RANBP17: variants seen among roughly 807,000 people sequenced by gnomAD.
RANBP17 encodes ran-binding protein 17.
A neutral mutation model predicts 141.2 loss-of-function variants in RANBP17; 158 were observed. That is an observed-to-expected ratio of 1.12 (90% confidence interval 0.98 to 1.28). RANBP17 has a LOEUF of 1.28. Among genes scored for constraint, RANBP17 ranks in the 50% most tolerant of loss-of-function variants. RANBP17 has a pLI of 0.00. For synonymous variants in RANBP17, 430 were observed against 450.0 expected, an observed-to-expected ratio of 0.96 and a Z score of 0.56; for missense variants, 1,438 against 1,290.7, an observed-to-expected ratio of 1.11 and a Z score of -1.75.
At chr5:171,219,229 T>C (rs938161350) in intron 21 of RANBP17, among the ~76,000 whole-genome samples, 4 of 152,336 alleles carry the variant, frequency 2.6e-5, no homozygotes, top group African/African-American at 9.6e-5. Flanking sequence ...CCCACTCTCT[T>C]CTGGCGTATA....
intron 14 of RANBP17, among the ~76,000 whole-genome samples, chr5:171,075,763 G>T (rs1784877769): frequency 6.6e-6 from 1 of 152,078 alleles, no homozygotes; most frequent in African/African-American, 2.4e-5. Context: ...GACCAGACTG[G>T]CCACGATGGC....
intron 14 of RANBP17, among the ~76,000 whole-genome samples, chr5:171,159,544 G>A (rs2127851976): frequency 1.3e-5 from 2 of 152,196 alleles, no homozygotes; most frequent in East Asian, 3.9e-4. Context: ...AATGCCCCTT[G>A]GGAGCCCATC....
chr5:171,070,606 A>G (rs1784576790), intron 14 of RANBP17, among the ~76,000 whole-genome samples: 1 of 152,138 alleles, frequency 6.6e-6, no homozygotes, highest in Non-Finnish European at 1.5e-5. Context: ...AATTGTTTGA[A>G]GATTCAAAAG....
chr5:171,029,356 G>A (rs969539249), intron 14 of RANBP17, among the ~76,000 whole-genome samples: 4 of 152,060 alleles, frequency 2.6e-5, no homozygotes, highest in Non-Finnish European at 5.9e-5. Context: ...TATTTTATGC[G>A]TAAGAGTTTA....
intron 14 of RANBP17, chr5:170,968,851 A>G (rs937733338): frequency 2.9e-5 from 10 of 343,468 alleles, no homozygotes; most frequent in South Asian, 1.9e-4. Flanking sequence ...AGGAATACTC[A>G]TAGTATGATA....
Position 171,243,761 on chromosome 5 carries a change from G to A in RANBP17, c.2776+941G>A, listed in dbSNP as rs530975502. 2.0e-5 allele frequency among the ~76,000 whole-genome samples: 3 copies of A among 152,246 alleles called. No individual in the cohort carries two copies. The South Asian group carries it at 6.2e-4, about 32-fold the overall frequency. ...CAAGTTGACTAATCTTTTCTTCTGT[G>A]ATACCTAATATTCTATTAATACTGT... is the stretch of plus-strand genomic sequence containing the variant. On this transcript the variant is annotated intron_variant, in intron 24 of 27. Transcript: ENST00000523189.
intron 14 of RANBP17, among the ~76,000 whole-genome samples, chr5:171,047,858 C>T (rs1454911457): frequency 6.6e-6 from 1 of 151,926 alleles, no homozygotes; most frequent in Non-Finnish European, 1.5e-5. Context: ...CTGAAGTATC[C>T]ATTAAATAGC....
At chr5:171,250,306 A>T (rs1187530176) in intron 24 of RANBP17, among the ~76,000 whole-genome samples, 1 of 152,222 alleles carries the variant, frequency 6.6e-6, no homozygotes, top group Non-Finnish European at 1.5e-5. Flanking sequence ...CATCATGAAA[A>T]CACACAAGAG....
In RANBP17 at chr5:171,178,020, G is replaced by GT. The variant is rs200845643; in HGVS notation, c.1866-5134dup. Reference sequence around the variant, plus strand: ...TATACCTATTTGGATTTTTTATGTGGTTTTTTTTTTTTTGTTATACTTTAA... The same window carrying GT: ...TATACCTATTTGGATTTTTTATGTGGTTTTTTTTTTTTTTGTTATACTTTAA... On this transcript the variant is annotated intron_variant, in intron 16 of 27. Coordinates refer to ENST00000523189, the MANE Select transcript of RANBP17 (RefSeq NM_022897.5). Among the ~76,000 whole-genome samples, 1,214 of 141,508 alleles carry GT rather than the reference G, an allele frequency of 8.6e-3. 4 individuals are homozygous for GT. The highest frequency in any genetic ancestry group is 0.018 in the African/African-American group (693 of 39,200). The allele number at this position is 141,508 out of a possible 152,430, so 92.8% of individuals were successfully genotyped here.
chr5:170,943,398 G>C (rs188814795), intron 12 of RANBP17, among the ~76,000 whole-genome samples: 1 of 152,058 alleles, frequency 6.6e-6, no homozygotes, highest in Non-Finnish European at 1.5e-5. Flanking sequence ...ACAATAATCC[G>C]TAAGAAATAG....
chr5:171,122,733 A>G (rs1315744927), intron 14 of RANBP17, among the ~76,000 whole-genome samples: 1 of 152,214 alleles, frequency 6.6e-6, no homozygotes, highest in East Asian at 1.9e-4. Context: ...TAGTCCACGC[A>G]GTGGCATTGT....
At chr5:171,246,820 T>C (rs72829403) in intron 24 of RANBP17, among the ~76,000 whole-genome samples, 32,164 of 152,092 alleles carry the variant, frequency 0.21, 3,452 homozygotes, top group East Asian at 0.28. Flanking sequence ...TGGGCACATG[T>C]GGTGTGCCTG....
chr5:170,927,496 A>T (rs1282618786), intron 12 of RANBP17, among the ~76,000 whole-genome samples: 1 of 152,096 alleles, frequency 6.6e-6, no homozygotes, highest in Admixed American at 6.6e-5. Flanking sequence ...TTAAATTTAC[A>T]TAAGAGCCAT....
At chr5:171,245,094 A>C (rs923562602) in intron 24 of RANBP17, among the ~76,000 whole-genome samples, 3 of 151,762 alleles carry the variant, frequency 2.0e-5, no homozygotes, top group Non-Finnish European at 4.4e-5. Context: ...ATGCCACTGC[A>C]CTCCAGCCTG....
At chr5:171,019,901 A>G (rs570685256) in intron 14 of RANBP17, among the ~76,000 whole-genome samples, 1 of 152,234 alleles carries the variant, frequency 6.6e-6, no homozygotes, top group African/African-American at 2.4e-5. Context: ...GCTTTCTGAT[A>G]TGGGCATTTA....
chr5:170,968,467 A>G (rs1561941829), intron 14 of RANBP17, 90 bp downstream of exon 14: 1 of 1,157,638 alleles, frequency 8.6e-7, no homozygotes, highest in Non-Finnish European at 1.3e-6. Context: ...GGAAATTTCT[A>G]CATAAGACGT....
chr5:171,013,748 G>A (rs1780232320), intron 14 of RANBP17, among the ~76,000 whole-genome samples: 1 of 151,918 alleles, frequency 6.6e-6, no homozygotes, highest in Non-Finnish European at 1.5e-5. Flanking sequence ...TTTTAGTTTT[G>A]TGCCTCTCCA....
At chr5:170,892,197 G>C (rs188605003) in intron 3 of RANBP17, among the ~76,000 whole-genome samples, 190 bp from the exon 4 acceptor site, 1 of 148,266 alleles carries the variant, frequency 6.7e-6, no homozygotes, top group Admixed American at 6.8e-5. Flanking sequence ...TTGTTACATA[G>C]GTATACATGT....
At chr5:170,964,665 G>A (rs535791936) in intron 13 of RANBP17, among the ~76,000 whole-genome samples, 7 of 152,110 alleles carry the variant, frequency 4.6e-5, no homozygotes, top group African/African-American at 1.7e-4. Context: ...TTTTGTCCTT[G>A]CGATAGTTTA....
Sources: allele counts gnomAD v4.1 joint callset (sites outside exome capture counted in the v4.1 genomes callset), GRCh38; gene constraint gnomAD v4.1.1; transcripts MANE v1.5; gene names NCBI Gene and HGNC (gene_info 2026-07-23, HGNC 2026-07-21).